Variants in RPTOR observed in about 807,000 individuals in gnomAD.
RPTOR encodes the protein regulatory-associated protein of mTOR.
In RPTOR, 21 loss-of-function variants were observed where a neutral mutation model predicts 169.9. The observed-to-expected ratio is 0.12, with a 90% CI of 0.09 to 0.18. RPTOR has a LOEUF of 0.18. RPTOR is among the 10% of genes least tolerant of loss of function. RPTOR has a pLI of 1.00. For missense variants in RPTOR, 1,133 were observed against 1,855.9 expected, an observed-to-expected ratio of 0.61 and a Z score of 7.16; for synonymous variants, 732 against 753.2, an observed-to-expected ratio of 0.97 and a Z score of 0.46.
rs779400698 is a variant in RPTOR, at chr17:80,959,653, G to A, written c.3478-425G>A. On this transcript the variant is annotated intron_variant, in intron 29 of 33. Transcript: ENST00000306801. This position sits in a 1 kb window ranked among gnomAD's most constrained non-coding sequence, Gnocchi z 6.7. Reference sequence around the variant, plus strand: ...CATAGCTCATTAGAAGTTCTGAGACGCAGCCAGTGAGGAGTCCTTGCCAAA... The same window carrying A: ...CATAGCTCATTAGAAGTTCTGAGACACAGCCAGTGAGGAGTCCTTGCCAAA... Among the ~76,000 whole-genome samples, 32 of 152,314 alleles carry A rather than the reference G, an allele frequency of 2.1e-4. No homozygotes were observed. The highest frequency in any genetic ancestry group is 3.4e-3 in the Middle Eastern group (1 of 294).
intron 11 of RPTOR, among the ~76,000 whole-genome samples, chr17:80,849,536 T>C (rs2067770511): frequency 6.6e-6 from 1 of 152,226 alleles, no homozygotes; most frequent in South Asian, 2.1e-4. Flanking sequence ...GTCTATTTTT[T>C]TGAGATGGAG....
At chr17:80,961,815 T>C in intron 31 of RPTOR, 1 of 309,320 alleles carries the variant, frequency 3.2e-6, no homozygotes, top group South Asian at 6.2e-5. Flanking sequence ...GCCAGGCACG[T>C]GGCAGTTGTC....
intron 7 of RPTOR, among the ~76,000 whole-genome samples, chr17:80,808,313 T>A (rs1474368879): frequency 6.6e-6 from 1 of 151,960 alleles, no homozygotes; most frequent in African/African-American, 2.4e-5. Context: ...TAGTCCCAGC[T>A]GCTTGGGAGG....
intron 1 of RPTOR, among the ~76,000 whole-genome samples, chr17:80,608,956 A>G (rs555450839): frequency 6.6e-6 from 1 of 152,124 alleles, no homozygotes; most frequent in African/African-American, 2.4e-5. Flanking sequence ...GAGAGTCGGG[A>G]ATGAACAATG....
chr17:80,683,401 T>C (rs894267131), intron 3 of RPTOR, among the ~76,000 whole-genome samples: 1 of 152,192 alleles, frequency 6.6e-6, no homozygotes, highest in Non-Finnish European at 1.5e-5. Context: ...TTTTGTCCCA[T>C]GATTGGCCAT....
intron 13 of RPTOR, among the ~76,000 whole-genome samples, chr17:80,862,795 C>T (rs180949307): frequency 9.2e-5 from 14 of 152,346 alleles, no homozygotes; most frequent in Admixed American, 1.3e-4. Flanking sequence ...TTGTGCAGAT[C>T]GGGGTGCACA....
intron 3 of RPTOR, among the ~76,000 whole-genome samples, chr17:80,654,716 TAA>T (rs2065667084): frequency 6.6e-6 from 1 of 152,226 alleles, no homozygotes; most frequent in African/African-American, 2.4e-5. Context: ...TTTTTAATTA[TAA>T]GTTTTATTTT....
intron 11 of RPTOR, among the ~76,000 whole-genome samples, chr17:80,847,559 G>A (rs1345479112): frequency 6.6e-6 from 1 of 152,226 alleles, no homozygotes; most frequent in Admixed American, 6.5e-5. Flanking sequence ...GCGAGGAGCT[G>A]TGCATGGCCG....
chr17:80,557,377 C>T (rs971814204), intron 1 of RPTOR, among the ~76,000 whole-genome samples: 3 of 151,546 alleles, frequency 2.0e-5, no homozygotes, highest in Admixed American at 6.6e-5. Context: ...AAAAATTAGG[C>T]GTGGTCGTGG....
chr17:80,848,489 C>T (rs1200306169), intron 11 of RPTOR, among the ~76,000 whole-genome samples: 1 of 152,234 alleles, frequency 6.6e-6, no homozygotes, highest in East Asian at 1.9e-4. Flanking sequence ...ACCAAGAACA[C>T]GCAGTGATAG....
chr17:80,871,254 C>T (rs925114225), intron 13 of RPTOR, among the ~76,000 whole-genome samples: 1 of 152,142 alleles, frequency 6.6e-6, no homozygotes, highest in African/African-American at 2.4e-5. Context: ...TATAGGCGCC[C>T]GCCACCACGC....
chr17:80,708,125 C>T lies in RPTOR; in HGVS notation c.507+126C>T. 1.1e-6 allele frequency: 1 copy of T among 943,298 alleles called. No homozygotes were observed. The highest frequency in any genetic ancestry group is 1.6e-6 in the Non-Finnish European group (1 of 643,332). The allele number at this position is 943,298 out of a possible 1,614,324, so 58.4% of individuals were successfully genotyped here. A position where few individuals can be genotyped will look rare whatever the true frequency, so the allele number is the denominator to read the frequency against. On this transcript the variant is annotated intron_variant, in intron 4 of 33. Coordinates refer to ENST00000306801, the MANE Select transcript of RPTOR (RefSeq NM_020761.3). The surrounding 1 kb of genome is among the most constrained non-coding windows in gnomAD (Gnocchi z 4.2). Reference sequence around the variant, plus strand: ...TGATGTTTACTGTGTTTCAACAAACCCAAATGCCATAACTGAACGGACCAG... The same window carrying T: ...TGATGTTTACTGTGTTTCAACAAACTCAAATGCCATAACTGAACGGACCAG...
At chr17:80,554,938 TAAG>T (rs909263449) in intron 1 of RPTOR, among the ~76,000 whole-genome samples, 1 of 152,232 alleles carries the variant, frequency 6.6e-6, no homozygotes, top group Admixed American at 6.5e-5. Context: ...GAATATATAA[TAAG>T]TTTGATTTTT....
intron 11 of RPTOR, among the ~76,000 whole-genome samples, chr17:80,847,021 G>A (rs748326827): frequency 1.7e-4 from 26 of 152,262 alleles, no homozygotes; most frequent in Non-Finnish European, 3.5e-4. Context: ...GTGAATCCGG[G>A]AGAGGAGGGA....
chr17:80,717,951 C>G (rs186215492), intron 4 of RPTOR, among the ~76,000 whole-genome samples: 4 of 152,342 alleles, frequency 2.6e-5, no homozygotes, highest in East Asian at 1.9e-4. Flanking sequence ...ATCCACTACT[C>G]GAATACTCCC....
chr17:80,564,294 C>T (rs1383849306), intron 1 of RPTOR, among the ~76,000 whole-genome samples: 1 of 152,024 alleles, frequency 6.6e-6, no homozygotes, highest in Non-Finnish European at 1.5e-5. Context: ...AATCTCCTGA[C>T]CTTGTGATCT....
At chr17:80,828,049 G>A (rs2067463741) in intron 9 of RPTOR, among the ~76,000 whole-genome samples, 1 of 152,202 alleles carries the variant, frequency 6.6e-6, no homozygotes, top group Non-Finnish European at 1.5e-5. Flanking sequence ...TTCTGTTTCA[G>A]GCGCATCCCT....
intron 4 of RPTOR, among the ~76,000 whole-genome samples, chr17:80,722,658 TA>T (rs541375731): frequency 3.3e-5 from 5 of 151,258 alleles, no homozygotes; most frequent in Non-Finnish European, 7.4e-5. Flanking sequence ...TTTGCATTTT[TA>T]AAAAACAATT....
chr17:80,904,270 G>A lies in RPTOR; in HGVS notation c.2402-4541G>A, dbSNP rs142235544. ...CCGCTGCGGAAGCCCTCGGCCTGGG[G>A]CACTGGTTCCCCAGGATGGCAGAGG... On this transcript the variant is annotated intron_variant, in intron 20 of 33. Transcript: ENST00000306801. Among the ~76,000 whole-genome samples, 454 of 152,360 alleles carry A rather than the reference G, an allele frequency of 3.0e-3. 3 individuals are homozygous for A. The Middle Eastern group carries it at 0.048, about 16-fold the overall frequency.
Sources: allele counts gnomAD v4.1 joint callset (sites outside exome capture counted in the v4.1 genomes callset), GRCh38; gene constraint gnomAD v4.1.1; non-coding constraint Gnocchi (gnomAD v3.1); transcripts MANE v1.5; gene names NCBI Gene and HGNC (gene_info 2026-07-23, HGNC 2026-07-21).